TMTC4: variants seen among roughly 807,000 people sequenced by gnomAD.
TMTC4 encodes the protein transmembrane O-mannosyltransferase targeting cadherins 4.
TMTC4 carries 65 observed loss-of-function variants against 86.0 expected under a neutral mutation model. The ratio of observed to expected loss-of-function variants is 0.76; its 90% CI spans 0.62 to 0.93. The LOEUF (loss-of-function observed/expected upper bound fraction) is 0.93. Ranked by LOEUF, TMTC4 falls within the 40% of genes least tolerant of loss-of-function variation. TMTC4 has a pLI of 0.00. For synonymous variants in TMTC4, 379 were observed against 382.5 expected, an observed-to-expected ratio of 0.99 and a Z score of 0.11; for missense variants, 866 against 948.1, an observed-to-expected ratio of 0.91 and a Z score of 1.14.
At chr13:100,648,739 G>GATCATGGAGTAAGAT (rs1884057616) in intron 6 of TMTC4, among the ~76,000 whole-genome samples, 1 of 152,198 alleles carries the variant, frequency 6.6e-6, no homozygotes, top group African/African-American at 2.4e-5. Flanking sequence ...GAGTACAGTA[G>GATCATGGAGTAAGAT]CATGATCATG....
intron 15 of TMTC4, among the ~76,000 whole-genome samples, chr13:100,623,071 T>A (rs992674848): frequency 6.6e-6 from 1 of 152,182 alleles, no homozygotes; most frequent in African/African-American, 2.4e-5. Flanking sequence ...GGTTTTCCAA[T>A]AAATGTAAAG....
chr13:100,646,184 G>A (rs1241386571), intron 6 of TMTC4, among the ~76,000 whole-genome samples: 1 of 152,144 alleles, frequency 6.6e-6, no homozygotes, highest in East Asian at 1.9e-4. Context: ...CCTAAAGGCA[G>A]GGTGCACCCT....
At chr13:100,662,907 G>T in intron 5 of TMTC4, 57 bp downstream of exon 5, 1 of 1,585,390 alleles carries the variant, frequency 6.3e-7, no homozygotes, top group Non-Finnish European at 8.6e-7. Context: ...CAGGCGACAT[G>T]GGGGTGTCAT....
intron 6 of TMTC4, among the ~76,000 whole-genome samples, chr13:100,648,857 T>A (rs1054601507): frequency 6.6e-6 from 1 of 152,160 alleles, no homozygotes; most frequent in Non-Finnish European, 1.5e-5. Flanking sequence ...TTTTTAAAAA[T>A]TTTTATTTTT....
chr13:100,644,869 C>G (rs1036343294), intron 6 of TMTC4, among the ~76,000 whole-genome samples: 11 of 151,962 alleles, frequency 7.2e-5, no homozygotes, highest in Admixed American at 5.2e-4. Flanking sequence ...GGCTAGAGTG[C>G]AATGGTGCGA....
At chr13:100,614,276 G>C in intron 16 of TMTC4, 40 bp downstream of exon 16, 1 of 1,465,200 alleles carries the variant, frequency 6.8e-7, no homozygotes, top group Non-Finnish European at 9.5e-7. Flanking sequence ...TTTTACTGTG[G>C]AGCCATTTCC....
intron 1 of TMTC4, chr13:100,674,048 G>A (rs1278685966): frequency 3.0e-6 from 3 of 985,156 alleles, no homozygotes; most frequent in Non-Finnish European, 2.4e-6. Flanking sequence ...GCAGCCCATA[G>A]CCACAACATC....
chr13:100,632,387 T>C (rs1404339972), intron 12 of TMTC4, among the ~76,000 whole-genome samples: 5 of 152,162 alleles, frequency 3.3e-5, no homozygotes, highest in African/African-American at 9.7e-5. Context: ...GAGAGGATAA[T>C]AGAGATGAAT....
At chr13:100,644,722 T>C (rs1340460876) in intron 6 of TMTC4, among the ~76,000 whole-genome samples, 1 of 152,208 alleles carries the variant, frequency 6.6e-6, no homozygotes, top group Non-Finnish European at 1.5e-5. Flanking sequence ...ACTTGGCTAT[T>C]ATAGCTGAGG....
intron 12 of TMTC4, among the ~76,000 whole-genome samples, chr13:100,628,336 T>C (rs1449314425): frequency 6.6e-6 from 1 of 152,162 alleles, no homozygotes; most frequent in Non-Finnish European, 1.5e-5. Flanking sequence ...TTCCTTCCTT[T>C]TGTGGCTGAA....
chr13:100,674,036 ACG>A, intron 1 of TMTC4: 1 of 985,322 alleles, frequency 1.0e-6, no homozygotes, highest in Non-Finnish European at 1.2e-6. Context: ...AAAAACACAC[ACG>A]CAGCCCATAG....
At chr13:100,637,762 C>A in intron 8 of TMTC4, 60 bp from the exon 9 acceptor site, 1 of 1,591,502 alleles carries the variant, frequency 6.3e-7, no homozygotes, top group Non-Finnish European at 8.6e-7. Context: ...TGTGGCTGAG[C>A]CAGGTACAGA....
chr13:100,643,235 C>A (rs188788308), intron 6 of TMTC4, among the ~76,000 whole-genome samples: 341 of 152,342 alleles, frequency 2.2e-3, no homozygotes, highest in Non-Finnish European at 2.3e-3. Flanking sequence ...TCAAGTGGGA[C>A]AAAAGCGAAC....
intron 15 of TMTC4, chr13:100,623,826 G>A (rs925991315): frequency 4.5e-6 from 2 of 444,864 alleles, no homozygotes; most frequent in African/African-American, 4.1e-5. Context: ...TCTTGCCTTT[G>A]TGCGGCCAAA....
Position 100,656,367 on chromosome 13 carries a change from A to T in TMTC4, c.640+14T>A, listed in dbSNP as rs1416630453. 6.2e-7 allele frequency: 1 copy of T among 1,605,440 alleles called. No homozygotes were observed. Among genetic ancestry groups the T allele is most frequent in the East Asian group, 2.2e-5 (1 of 44,794 alleles). On this transcript the variant is annotated intron_variant, in intron 6 of 18. Transcript: ENST00000342624. ...AAGAAGGTGGAAAATTAAGAAGGCAAACAGAATGCTTACTTTCTCTAAATG... is the reference window on the plus strand; with the variant it reads ...AAGAAGGTGGAAAATTAAGAAGGCATACAGAATGCTTACTTTCTCTAAATG...
In TMTC4 at chr13:100,605,149, T is replaced by C. The variant is rs777905985; in HGVS notation, c.2135-7A>G. ...CAACGATGATAAAGCACAGCTGAAA[T>C]AGCAGGAGATAAATTTCACTGGGAA... On this transcript the variant is annotated splice_polypyrimidine_tract_variant and splice_region_variant and intron_variant, in intron 18 of 18. Transcript: ENST00000342624. This position sits in a 1 kb window ranked among gnomAD's most constrained non-coding sequence, Gnocchi z 4.3. The C allele has an allele frequency of 9.3e-6, 15 of 1,607,406 alleles. No homozygotes were observed. The highest frequency in any genetic ancestry group is 5.6e-5 in the South Asian group (5 of 89,780).
chr13:100,604,895 C>T lies in TMTC4; in HGVS notation c.*99G>A. 1 of 1,323,136 alleles carries T rather than the reference C, an allele frequency of 7.6e-7. No homozygotes were observed. 82.0% of individuals were successfully genotyped at this position (1,323,136 alleles called of 1,614,324 possible). ...TCATAGAAAAAAATCAGTAAAATAACATGTCTAAGACTTTTAAATGGTTAA... is the reference window on the plus strand; with the variant it reads ...TCATAGAAAAAAATCAGTAAAATAATATGTCTAAGACTTTTAAATGGTTAA... On this transcript the variant is annotated 3_prime_UTR_variant, in exon 19 of 19. Transcript: ENST00000342624.
At chr13:100,624,049 G>A in intron 15 of TMTC4, 1 of 239,064 alleles carries the variant, frequency 4.2e-6, no homozygotes, top group Admixed American at 4.8e-5. Context: ...CCTCCAGGCT[G>A]GGCATGGTGG....
At chr13:100,636,783 AAC>A in intron 9 of TMTC4, 49 bp from the exon 10 acceptor site, 3 of 1,597,088 alleles carry the variant, frequency 1.9e-6, no homozygotes, top group Non-Finnish European at 2.6e-6. Context: ...GAACTTAAAA[AAC>A]ACATATATAC....
Sources: gnomAD v4.1 joint callset for allele counts (sites outside exome capture counted in the v4.1 genomes callset) on GRCh38, gnomAD v4.1.1 for gene constraint, Gnocchi (gnomAD v3.1) non-coding constraint, MANE v1.5 for transcripts, NCBI Gene and HGNC (gene_info 2026-07-23, HGNC 2026-07-21) for gene names.